Variants in ZFPM2 observed in about 807,000 individuals in gnomAD.
ZFPM2 encodes the protein zinc finger protein, FOG family member 2, also known as zinc finger protein ZFPM2.
ZFPM2 carries 20 observed loss-of-function variants against 98.6 expected under a neutral mutation model. The observed-to-expected ratio is 0.20, with a 90% CI of 0.14 to 0.29. ZFPM2 has a LOEUF of 0.29. ZFPM2 is among the 10% of genes least tolerant of loss of function. ZFPM2 has a pLI of 1.00. For synonymous variants in ZFPM2, 518 were observed against 502.7 expected (o/e 1.03, Z -0.41); for missense variants, 1,310 against 1,388.6 (o/e 0.94, Z 0.90).
intron 5 of ZFPM2, among the ~76,000 whole-genome samples, chr8:105,763,202 T>G (rs1812773467): frequency 6.6e-6 from 1 of 151,834 alleles, no homozygotes; most frequent in South Asian, 2.1e-4. Context: ...AGTTTTGGTG[T>G]TTTGAAGCCC....
intron 3 of ZFPM2, among the ~76,000 whole-genome samples, chr8:105,530,402 C>T (rs948718950): frequency 1.6e-4 from 25 of 152,054 alleles, no homozygotes; most frequent in African/African-American, 5.1e-4. Context: ...TTCTGGCGGC[C>T]GTAACTAAAG....
chr8:105,528,288 G>A (rs1288509099), intron 3 of ZFPM2, among the ~76,000 whole-genome samples: 3 of 152,084 alleles, frequency 2.0e-5, no homozygotes, highest in African/African-American at 4.8e-5. Context: ...AAAACTTACA[G>A]GATATCATAA....
intron 5 of ZFPM2, among the ~76,000 whole-genome samples, chr8:105,684,213 C>T (rs17219657): frequency 0.13 from 19,952 of 152,076 alleles, 1,299 homozygotes; most frequent in Middle Eastern, 0.19. Context: ...GAAATGACTC[C>T]AGTTAGTTAT....
intron 3 of ZFPM2, among the ~76,000 whole-genome samples, chr8:105,445,641 G>C (rs955068595): frequency 7.3e-5 from 11 of 151,362 alleles, no homozygotes; most frequent in African/African-American, 2.7e-4. Flanking sequence ...GTCTCACTCT[G>C]TTGCCCAGTC....
At chr8:105,738,657 T>C (rs1314613309) in intron 5 of ZFPM2, among the ~76,000 whole-genome samples, 2 of 152,076 alleles carry the variant, frequency 1.3e-5, no homozygotes, top group African/African-American at 2.4e-5. Context: ...AGCATTCCTT[T>C]TCTCCACAAC....
chr8:105,538,589 T>C (rs149400500), intron 3 of ZFPM2, among the ~76,000 whole-genome samples: 7 of 152,180 alleles, frequency 4.6e-5, no homozygotes, highest in Non-Finnish European at 8.8e-5. Flanking sequence ...CTGTCACTGA[T>C]AGAAAGTTCA....
At chr8:105,665,592 T>C (rs1442483068) in intron 5 of ZFPM2, among the ~76,000 whole-genome samples, 1 of 152,194 alleles carries the variant, frequency 6.6e-6, no homozygotes, top group Non-Finnish European at 1.5e-5. Flanking sequence ...AACCTATAAA[T>C]GCTACAATAC....
intron 4 of ZFPM2, 116 bp downstream of exon 4, chr8:105,561,597 T>G: frequency 1.1e-6 from 1 of 906,228 alleles, no homozygotes; most frequent in Non-Finnish European, 1.6e-6. Context: ...AACCATTTGT[T>G]TTTGCTTTTT....
At chr8:105,793,492 G>T (rs1180073410) in intron 6 of ZFPM2, among the ~76,000 whole-genome samples, 1 of 152,124 alleles carries the variant, frequency 6.6e-6, no homozygotes, top group African/African-American at 2.4e-5. Flanking sequence ...TGGGTAACCC[G>T]TCCTTTCTCT....
At chr8:105,368,544 G>C (rs1168065120) in intron 1 of ZFPM2, among the ~76,000 whole-genome samples, 1 of 152,130 alleles carries the variant, frequency 6.6e-6, no homozygotes, top group African/African-American at 2.4e-5. Flanking sequence ...AAGCAAATGA[G>C]AGAAACAAAG....
At chr8:105,323,421 G>T (rs974787377) in intron 1 of ZFPM2, among the ~76,000 whole-genome samples, 1 of 151,688 alleles carries the variant, frequency 6.6e-6, no homozygotes, top group Non-Finnish European at 1.5e-5. Flanking sequence ...TCATATTGGA[G>T]ATTTTTATTT....
intron 5 of ZFPM2, among the ~76,000 whole-genome samples, chr8:105,664,391 G>C (rs1817451616): frequency 6.6e-6 from 1 of 151,572 alleles, no homozygotes; most frequent in South Asian, 2.1e-4. Flanking sequence ...GCCCAGGCTG[G>C]AGTGCACAAT....
intron 5 of ZFPM2, among the ~76,000 whole-genome samples, chr8:105,718,395 T>G (rs1185714873): frequency 1.3e-5 from 2 of 151,966 alleles, no homozygotes; most frequent in East Asian, 3.9e-4. Context: ...AATGAGAACT[T>G]TAGCGTATGT....
At chr8:105,700,559 GTTTT>G (rs1479974477) in intron 5 of ZFPM2, among the ~76,000 whole-genome samples, 1 of 148,454 alleles carries the variant, frequency 6.7e-6, no homozygotes, top group Admixed American at 6.9e-5. Flanking sequence ...ATCCCTAGGA[GTTTT>G]TTGTTTGTTT....
chr8:105,705,098 G>A lies in ZFPM2; in HGVS notation c.532+70741G>A, dbSNP rs78292756. On this transcript the variant is annotated intron_variant, in intron 5 of 7. Transcript: ENST00000407775. ...TGTTAATACTGGAAAGCTAGTCAAA[G>A]CATGTTATCATATTAAATTAGTATA... Among the ~76,000 whole-genome samples the A allele has an allele frequency of 2.5e-3, 374 of 152,110 alleles. 1 individual carries two copies. The highest frequency in any genetic ancestry group is 8.5e-3 in the African/African-American group (353 of 41,474).
At chr8:105,460,326 T>C (rs73302179) in intron 3 of ZFPM2, among the ~76,000 whole-genome samples, 115 of 152,274 alleles carry the variant, frequency 7.6e-4, no homozygotes, top group African/African-American at 2.6e-3. Flanking sequence ...GAGGCTTTGC[T>C]TGAGGCAAAA....
At chr8:105,777,018 C>T (rs1208898898) in intron 5 of ZFPM2, among the ~76,000 whole-genome samples, 1 of 152,118 alleles carries the variant, frequency 6.6e-6, no homozygotes, top group Non-Finnish European at 1.5e-5. Flanking sequence ...GTCTTGGTTA[C>T]TCAATTAAAG....
intron 5 of ZFPM2, among the ~76,000 whole-genome samples, chr8:105,671,516 AC>A (rs1338834874): frequency 2.0e-5 from 3 of 151,938 alleles, no homozygotes; most frequent in Non-Finnish European, 2.9e-5. Flanking sequence ...AATTTTCTTT[AC>A]TGAAATTTTA....
intron 3 of ZFPM2, among the ~76,000 whole-genome samples, chr8:105,548,162 G>A (rs1814756781): frequency 6.6e-6 from 1 of 151,934 alleles, no homozygotes; most frequent in Admixed American, 6.6e-5. Flanking sequence ...GAAACTCTTT[G>A]ATTGTTAGGA....
Sources: allele counts gnomAD v4.1 joint callset (sites outside exome capture counted in the v4.1 genomes callset), GRCh38; gene constraint gnomAD v4.1.1; transcripts MANE v1.5; gene names NCBI Gene and HGNC (gene_info 2026-07-23, HGNC 2026-07-21).